The following TLK1 variants were observed in gnomAD, a reference collection of about 807,000 sequenced individuals.
The protein encoded by TLK1 is tousled like kinase 1.
TLK1 carries 24 observed loss-of-function variants against 105.3 expected under a neutral mutation model. That is an observed-to-expected ratio of 0.23 (90% confidence interval 0.17 to 0.32). TLK1 has a LOEUF of 0.32. Among genes scored for constraint, TLK1 ranks in the 10% least tolerant of loss-of-function variants. The pLI is 1.00. For missense variants in TLK1, 558 were observed against 910.5 expected, an observed-to-expected ratio of 0.61 and a Z score of 4.98; for synonymous variants, 321 against 310.4, an observed-to-expected ratio of 1.03 and a Z score of -0.36.
intron 11 of TLK1, among the ~76,000 whole-genome samples, chr2:171,041,292 T>C (rs1575543171): frequency 6.6e-6 from 1 of 152,248 alleles, no homozygotes; most frequent in East Asian, 1.9e-4. Flanking sequence ...CAGTATAATG[T>C]AGATACTTTC....
intron 11 of TLK1, among the ~76,000 whole-genome samples, chr2:171,034,992 C>T (rs991864623): frequency 7.9e-5 from 12 of 151,986 alleles, no homozygotes; most frequent in African/African-American, 2.9e-4. Context: ...GCAGGTCTTT[C>T]CCATGCTGTT....
At chr2:171,122,834 T>C (rs1282649586) in intron 1 of TLK1, among the ~76,000 whole-genome samples, 1 of 150,358 alleles carries the variant, frequency 6.7e-6, no homozygotes, top group Non-Finnish European at 1.5e-5. Flanking sequence ...AGGTCAGGAG[T>C]TCAAGACCAG....
rs149006510 is a variant in TLK1 at position 171,001,914 on chromosome 2, G to A, written c.1905-4091C>T. Among the ~76,000 whole-genome samples the A allele has an allele frequency of 4.6e-3, 703 of 152,042 alleles. 7 individuals are homozygous for A. Among genetic ancestry groups the A allele is most frequent in the African/African-American group, 0.016 (664 of 41,474 alleles). On this transcript the variant is annotated intron_variant, in intron 18 of 20. Transcript: ENST00000431350. ...TCCTGCCTCAGCCTCCATAGTAGCT[G>A]AGAATACAGGCATGCACCACCACAC...
upstream of TLK1, among the ~76,000 whole-genome samples, chr2:171,164,521 A>C (rs1451528770): frequency 6.6e-6 from 1 of 152,156 alleles, no homozygotes; most frequent in African/African-American, 2.4e-5. Context: ...GATGTGCCCC[A>C]AAAAGTTAAT....
At chr2:171,056,600 C>T (rs775935160) in intron 5 of TLK1, 34 bp from the exon 6 acceptor site, 18 of 1,535,118 alleles carry the variant, frequency 1.2e-5, no homozygotes, top group Non-Finnish European at 1.6e-5. Context: ...TTATTATTTA[C>T]TAAAGCAGGC....
At chr2:171,060,088 G>A (rs1457121928) in intron 4 of TLK1, 7 of 1,527,674 alleles carry the variant, frequency 4.6e-6, no homozygotes, top group African/African-American at 1.4e-5. Context: ...GCAAATATAA[G>A]TGAGGAAGGT....
At chr2:171,179,662 T>A (rs191184137) in intron 1 of TLK1, among the ~76,000 whole-genome samples, 116 of 152,252 alleles carry the variant, frequency 7.6e-4, no homozygotes, top group Non-Finnish European at 1.5e-3. Context: ...AAGGAGACAT[T>A]AAGGAGCAGG....
chr2:171,051,846 A>G (rs992129594), intron 8 of TLK1, among the ~76,000 whole-genome samples: 1 of 152,252 alleles, frequency 6.6e-6, no homozygotes, highest in African/African-American at 2.4e-5. Context: ...ATGATGATAG[A>G]GCTGGCAGTA....
At chr2:171,030,464 A>C (rs1468232158) in intron 11 of TLK1, among the ~76,000 whole-genome samples, 1 of 152,214 alleles carries the variant, frequency 6.6e-6, no homozygotes, top group Non-Finnish European at 1.5e-5. Context: ...GTGTGAATGT[A>C]GATGAAGTGA....
chr2:171,192,635 A>G (rs113263480), intron 1 of TLK1, among the ~76,000 whole-genome samples: 16,482 of 152,106 alleles, frequency 0.11, 1,344 homozygotes, highest in African/African-American at 0.23. Flanking sequence ...AGCTGAGATC[A>G]TGCCACTGCA....
chr2:171,086,184 G>A (rs942555350), intron 2 of TLK1, among the ~76,000 whole-genome samples: 2 of 152,080 alleles, frequency 1.3e-5, no homozygotes, highest in African/African-American at 4.8e-5. Flanking sequence ...AAGTAGGTAG[G>A]TAGATGAATA....
At chr2:171,154,241 C>T (rs1437702623) in intron 1 of TLK1, among the ~76,000 whole-genome samples, 1 of 152,126 alleles carries the variant, frequency 6.6e-6, no homozygotes, top group Non-Finnish European at 1.5e-5. Context: ...TATACTGCCT[C>T]TTCAAGAAAC....
At chr2:171,201,995 C>T (rs549820963) in intron 1 of TLK1, among the ~76,000 whole-genome samples, 2 of 152,228 alleles carry the variant, frequency 1.3e-5, no homozygotes, top group Admixed American at 1.3e-4. Context: ...TTGCCTTGCA[C>T]AGGGAAGAGG....
chr2:171,123,057 T>TACACACACACACAC (rs71008752), intron 1 of TLK1, among the ~76,000 whole-genome samples: 2,164 of 141,268 alleles, frequency 0.015, 41 homozygotes, highest in African/African-American at 0.033. Flanking sequence ...AATAAATAAA[T>TACACACACACACAC]ACACACACAC....
At chr2:171,133,055 A>C (rs1252713701) in intron 1 of TLK1, among the ~76,000 whole-genome samples, 1 of 152,198 alleles carries the variant, frequency 6.6e-6, no homozygotes, top group African/African-American at 2.4e-5. Flanking sequence ...AACTTCTTGG[A>C]GCTCAATATG....
At chr2:171,168,138 C>T (rs1575644272) in intron 1 of TLK1, among the ~76,000 whole-genome samples, 1 of 151,956 alleles carries the variant, frequency 6.6e-6, no homozygotes, top group Non-Finnish European at 1.5e-5. Context: ...ATGGAAGTTT[C>T]TTTTCGTAAA....
chr2:171,228,668 A>C (rs1175826163), intron 1 of TLK1, among the ~76,000 whole-genome samples: 1 of 152,212 alleles, frequency 6.6e-6, no homozygotes, highest in Non-Finnish European at 1.5e-5. Flanking sequence ...CAAGTGATTC[A>C]GTTCAGTTGA....
chr2:171,162,938 A>T (rs1692541803), upstream of TLK1, among the ~76,000 whole-genome samples: 1 of 152,146 alleles, frequency 6.6e-6, no homozygotes, highest in African/African-American at 2.4e-5. Context: ...AATTACAGGC[A>T]CGTGCCACTA....
chr2:171,005,188 C>G (rs373505409), intron 18 of TLK1, among the ~76,000 whole-genome samples: 25 of 152,288 alleles, frequency 1.6e-4, no homozygotes, highest in African/African-American at 5.5e-4. Context: ...TCTCTGAGAA[C>G]TAAGTTTGTT....
Sources: allele counts gnomAD v4.1 joint callset (sites outside exome capture counted in the v4.1 genomes callset), GRCh38; gene constraint gnomAD v4.1.1; transcripts MANE v1.5; gene names NCBI Gene and HGNC (gene_info 2026-07-23, HGNC 2026-07-21).